The following TENM1 variants were observed in gnomAD, a reference collection of about 807,000 sequenced individuals.
The protein encoded by TENM1 is teneurin transmembrane protein 1, also known as teneurin-1.
TENM1 carries 35 observed loss-of-function variants against 174.8 expected under a neutral mutation model. The ratio of observed to expected loss-of-function variants is 0.20; its 90% confidence interval spans 0.15 to 0.27. The LOEUF (loss-of-function observed/expected upper bound fraction) is 0.27, where lower values mean the gene tolerates loss of function less well. TENM1 is among the 10% of genes least tolerant of loss of function. The probability of loss-of-function intolerance (pLI) is 1.00; values close to 1 mark genes in which losing one functional copy is unlikely to be tolerated. For missense variants in TENM1, 1,633 were observed against 2,130.1 expected, an observed-to-expected ratio of 0.77 and a Z score of 4.59; for synonymous variants, 781 against 798.7, an observed-to-expected ratio of 0.98 and a Z score of 0.37.
chrX:125,063,250 A>G, the TENM1 span, among the ~76,000 whole-genome samples: 1 of 112,141 alleles, frequency 8.9e-6, no homozygotes, highest in African/African-American at 3.2e-5. Flanking sequence ...TGGAAGAAGC[A>G]TATTATGAAG....
chrX:124,677,166 C>T (rs2052110494), intron 5 of TENM1, among the ~76,000 whole-genome samples: 1 of 111,082 alleles, frequency 9.0e-6, no homozygotes, highest in Non-Finnish European at 1.9e-5. Context: ...TATGGCTACT[C>T]TAAAACTTTA....
At chrX:124,955,713 A>G (rs752409097) in intron 1 of TENM1, among the ~76,000 whole-genome samples, 1 of 110,646 alleles carries the variant, frequency 9.0e-6, no homozygotes, top group Non-Finnish European at 1.9e-5. Flanking sequence ...CATTGAATCT[A>G]TTGATCACTT....
chrX:125,029,459 C>T, the TENM1 span, among the ~76,000 whole-genome samples: 1 of 111,283 alleles, frequency 9.0e-6, no homozygotes, highest in Non-Finnish European at 1.9e-5. Context: ...ATACTTTTGG[C>T]CATTTTACAG....
intron 11 of TENM1, among the ~76,000 whole-genome samples, chrX:124,577,654 T>G (rs2049200608): frequency 1.8e-5 from 2 of 111,851 alleles, no homozygotes; most frequent in Non-Finnish European, 3.8e-5. Flanking sequence ...GGATTAATAA[T>G]GGAGTAAAGT....
chrX:125,018,724 A>G, the TENM1 span, among the ~76,000 whole-genome samples: 1 of 111,167 alleles, frequency 9.0e-6, no homozygotes, highest in Non-Finnish European at 1.9e-5. Context: ...TGTAATCTTA[A>G]AGTATAGATA....
intron 1 of TENM1, among the ~76,000 whole-genome samples, chrX:124,899,268 C>A (rs1424604410): frequency 8.9e-6 from 1 of 111,803 alleles, no homozygotes; most frequent in East Asian, 2.8e-4. Flanking sequence ...TCAGGGCTCA[C>A]TGCAGCCCTG....
At chrX:125,070,194 T>TAAA in the TENM1 span, among the ~76,000 whole-genome samples, 1 of 93,100 alleles carries the variant, frequency 1.1e-5, no homozygotes, top group Non-Finnish European at 1.9e-5. Context: ...GTCCAAGTAA[T>TAAA]AATAATAATA....
At position 124,387,429 on chromosome X, in the gene TENM1, AC is replaced by A. The variant is rs766435237; in HGVS notation, c.5689-1366del. On this transcript the variant is annotated intron_variant, in intron 28 of 31. Transcript: ENST00000422452. ...TCTCATCCTTGGAGATTCTGATATG[AC>A]TCCCTAGAGGAGCTTTATCCTTCCC... is the stretch of plus-strand genomic sequence containing the variant. 1.8e-4 allele frequency among the ~76,000 whole-genome samples: 20 copies of A among 111,363 alleles called. No individual in the cohort carries two copies. In the East Asian group the frequency reaches 5.6e-3, roughly 31 times the overall value.
the TENM1 span, among the ~76,000 whole-genome samples, chrX:125,046,618 G>T: frequency 8.9e-6 from 1 of 112,022 alleles, no homozygotes. Context: ...AGAAATGTGT[G>T]CCACAGGTCA....
intron 1 of TENM1, among the ~76,000 whole-genome samples, chrX:124,926,386 G>A (rs936135860): frequency 1.8e-5 from 2 of 111,991 alleles, no homozygotes; most frequent in Non-Finnish European, 3.8e-5. Flanking sequence ...TGTGGGAAGT[G>A]CCTATGGTAG....
the TENM1 span, among the ~76,000 whole-genome samples, chrX:125,089,791 G>T: frequency 2.2e-4 from 25 of 111,642 alleles, no homozygotes; most frequent in African/African-American, 7.5e-4. Context: ...ACATTTAGGA[G>T]CATAGTCAAG....
the TENM1 span, among the ~76,000 whole-genome samples, chrX:125,059,153 A>G: frequency 9.1e-6 from 1 of 110,030 alleles, no homozygotes; most frequent in African/African-American, 3.3e-5. Context: ...TAAAAGATAT[A>G]TCCCTAAAAG....
chrX:124,815,993 T>C (rs1267151971), intron 3 of TENM1, among the ~76,000 whole-genome samples: 2 of 111,770 alleles, frequency 1.8e-5, no homozygotes, highest in Admixed American at 1.9e-4. Flanking sequence ...TTTAAAATAT[T>C]GTAAAAGTGT....
chrX:124,553,975 G>A (rs1023528013), intron 14 of TENM1, among the ~76,000 whole-genome samples: 2 of 110,894 alleles, frequency 1.8e-5, no homozygotes, highest in African/African-American at 6.6e-5. Context: ...GGGTGAGGGT[G>A]GCATGCACCT....
At chrX:124,652,698 A>C (rs2051339755) in intron 7 of TENM1, among the ~76,000 whole-genome samples, 1 of 112,030 alleles carries the variant, frequency 8.9e-6, no homozygotes, top group Non-Finnish European at 1.9e-5. Context: ...ACAGTCAAAA[A>C]TTTGAGAACA....
the TENM1 span, among the ~76,000 whole-genome samples, chrX:125,006,482 C>T: frequency 8.9e-6 from 1 of 111,858 alleles, no homozygotes; most frequent in Admixed American, 9.4e-5. Flanking sequence ...AAGAGTGCGG[C>T]TGATCCTGAC....
chrX:124,978,849 T>C, the TENM1 span, among the ~76,000 whole-genome samples: 80 of 112,197 alleles, frequency 7.1e-4, 1 homozygote, highest in Non-Finnish European at 3.2e-4. Flanking sequence ...CTGTGTTGAC[T>C]AGCAGTGTGT....
At chrX:124,886,544 T>G (rs186082790) in intron 3 of TENM1, among the ~76,000 whole-genome samples, 8,517 of 83,872 alleles carry the variant, frequency 0.1, 530 homozygotes, top group African/African-American at 0.19. Flanking sequence ...TATATATATA[T>G]ATATAGAGAG....
At position 124,844,160 on chromosome X, in the gene TENM1, T is replaced by C. The variant is rs376537355; in HGVS notation, c.535+50136A>G. Among the ~76,000 whole-genome samples, 243 of 111,799 alleles carry C rather than the reference T, an allele frequency of 2.2e-3. 1 individual carries two copies. The highest frequency in any genetic ancestry group is 7.5e-3 in the African/African-American group (231 of 30,760). On this transcript the variant is annotated intron_variant, in intron 3 of 31. Transcript: ENST00000422452. Reference sequence around the variant, plus strand: ...GTTAGATACAGGCAAAGCCACTCCTTTAGTGCTTTCTCTAGAGTTGATGGC... The same window carrying C: ...GTTAGATACAGGCAAAGCCACTCCTCTAGTGCTTTCTCTAGAGTTGATGGC...
Sources: gnomAD v4.1 joint callset for allele counts (sites outside exome capture counted in the v4.1 genomes callset) on GRCh38, gnomAD v4.1.1 for gene constraint, MANE v1.5 for transcripts, NCBI Gene and HGNC (gene_info 2026-07-23, HGNC 2026-07-21) for gene names.